PRKN: variants seen among roughly 807,000 people sequenced by gnomAD.
PRKN encodes the protein E3 ubiquitin-protein ligase parkin.
Under a neutral mutation model 59.5 loss-of-function variants are expected in PRKN, and 56 were observed. The observed-to-expected ratio is 0.94, with a 90% confidence interval of 0.76 to 1.18. PRKN has a LOEUF of 1.18. Among genes scored for constraint, PRKN ranks in the 50% most tolerant of loss-of-function variants. PRKN has a pLI of 0.00. For missense variants in PRKN, 657 were observed against 596.4 expected, an observed-to-expected ratio of 1.10 and a Z score of -1.06; for synonymous variants, 250 against 222.1, an observed-to-expected ratio of 1.13 and a Z score of -1.12.
At chr6:161,793,787 T>C (rs1179543093) in intron 6 of PRKN, among the ~76,000 whole-genome samples, 1 of 152,172 alleles carries the variant, frequency 6.6e-6, no homozygotes, top group Non-Finnish European at 1.5e-5. Context: ...TTTTCCTGTT[T>C]ATAAAGGTTT....
chr6:161,486,724 C>T (rs1364556347), intron 9 of PRKN, among the ~76,000 whole-genome samples: 1 of 152,226 alleles, frequency 6.6e-6, no homozygotes, highest in Non-Finnish European at 1.5e-5. Context: ...ATTGCCCTTT[C>T]ATAAATGCTG....
rs545467145 is a variant in PRKN at position 162,706,205 on chromosome 6, T to C, written c.7+21457A>G. On this transcript the variant is annotated intron_variant, in intron 1 of 11. Transcript: ENST00000366898. ...AAAGAAGGACATAAAATTCAAGCAA[T>C]GAATTAAAGAGGCAAATGAAGGAAC... Among the ~76,000 whole-genome samples, 370 of 149,552 alleles carry C rather than the reference T, an allele frequency of 2.5e-3. 4 individuals carry two copies. The highest frequency in any genetic ancestry group is 0.011 in the Middle Eastern group (3 of 282).
At chr6:162,161,315 G>A (rs932393673) in intron 4 of PRKN, among the ~76,000 whole-genome samples, 1 of 151,988 alleles carries the variant, frequency 6.6e-6, no homozygotes, top group Non-Finnish European at 1.5e-5. Context: ...GTACCCCCTA[G>A]GAAGGCCATG....
intron 1 of PRKN, among the ~76,000 whole-genome samples, chr6:162,514,024 C>T (rs760998981): frequency 6.0e-5 from 9 of 150,678 alleles, no homozygotes; most frequent in Non-Finnish European, 1.3e-4. Context: ...CTAGCTTGGG[C>T]GACACAGCGA....
rs182945525 is a variant in PRKN, at chr6:161,724,858, T to C, written c.871+60914A>G. Among the ~76,000 whole-genome samples, 153 of 152,310 alleles carry C rather than the reference T, an allele frequency of 1.0e-3. 1 individual carries two copies. The Middle Eastern group carries it at 0.017, about 17-fold the overall frequency. On this transcript the variant is annotated intron_variant, in intron 7 of 11. Transcript: ENST00000366898. ...CATGTTGAATTGTAATCCCCAATGC[T>C]GGAGATGGGGCCTGGTAGGAGGTGT...
chr6:161,750,148 T>TAC (rs1788626683), intron 7 of PRKN, among the ~76,000 whole-genome samples: 5 of 140,196 alleles, frequency 3.6e-5, no homozygotes, highest in Admixed American at 2.1e-4. Context: ...CACACATATA[T>TAC]AAATTAGTAC....
intron 4 of PRKN, among the ~76,000 whole-genome samples, chr6:162,115,110 G>T (rs1229604935): frequency 6.6e-6 from 1 of 152,048 alleles, no homozygotes; most frequent in Non-Finnish European, 1.5e-5. Flanking sequence ...GTCCAACAAT[G>T]ATAGACTGGA....
At chr6:161,967,285 A>G (rs1780618412) in intron 6 of PRKN, among the ~76,000 whole-genome samples, 1 of 151,554 alleles carries the variant, frequency 6.6e-6, no homozygotes, top group South Asian at 2.1e-4. Context: ...TGGTAGGCGC[A>G]TCATTGCAGA....
Position 161,350,039 on chromosome 6 carries a change from G to A in PRKN, c.*60C>T. 1 of 1,036,644 alleles carries A rather than the reference G, an allele frequency of 9.6e-7. No homozygotes were observed. The highest frequency in any genetic ancestry group is 2.1e-4 in the Middle Eastern group (1 of 4,820). 64.2% of individuals were successfully genotyped at this position (1,036,644 alleles called of 1,614,324 possible). On this transcript the variant is annotated 3_prime_UTR_variant, in exon 12 of 12. Coordinates refer to ENST00000366898, the MANE Select transcript of PRKN (RefSeq NM_004562.3). ...GTGTTTGAAAAGAGAATTAGAAAAT[G>A]AAGGTAGACACTGGGTATGCTCCCC...
intron 8 of PRKN, among the ~76,000 whole-genome samples, chr6:161,555,294 G>A (rs2115444791): frequency 6.6e-6 from 1 of 152,112 alleles, no homozygotes; most frequent in Non-Finnish European, 1.5e-5. Flanking sequence ...CCTTTGATTT[G>A]AGGCATTCTT....
At position 161,852,953 on chromosome 6, in the gene PRKN, G is replaced by C. The variant is rs184990018; in HGVS notation, c.735-67045C>G. On this transcript the variant is annotated intron_variant, in intron 6 of 11. Transcript: ENST00000366898. ...ATGAGCTACAAAGTGCCTCAGGAAA[G>C]AGACAGCTGGGACCAGATGACACAC... is the stretch of plus-strand genomic sequence containing the variant. 3.3e-3 allele frequency among the ~76,000 whole-genome samples: 509 copies of C among 152,308 alleles called. 2 individuals are homozygous for C. Among genetic ancestry groups the C allele is most frequent in the African/African-American group, 0.011 (476 of 41,564 alleles).
chr6:162,309,642 T>C (rs1019395468), intron 2 of PRKN, among the ~76,000 whole-genome samples: 1 of 143,044 alleles, frequency 7.0e-6, no homozygotes, highest in African/African-American at 3.0e-5. Context: ...GTAAGCTGTA[T>C]GGAAAAAGTT....
At chr6:161,623,014 GCTGT>G (rs1415906956) in intron 7 of PRKN, among the ~76,000 whole-genome samples, 18 of 152,244 alleles carry the variant, frequency 1.2e-4, no homozygotes, top group South Asian at 4.1e-4. Context: ...TTTTTCTTAG[GCTGT>G]CTATTTCATG....
rs1269147499 is a variant in PRKN at position 161,750,118 on chromosome 6, T to TATATATATATATATATATACAC, written c.871+35653_871+35654insGTGTATATATATATATATATAT. ...TAGGACATATATATATATATATATA[T>TATATATATATATATATATACAC]ACACACACACACACACACACACACA... On this transcript the variant is annotated intron_variant, in intron 7 of 11. Transcript: ENST00000366898. 1.4e-3 allele frequency among the ~76,000 whole-genome samples: 194 copies of TATATATATATATATATATACAC among 137,742 alleles called. 1 individual carries two copies. The highest frequency in any genetic ancestry group is 5.1e-3 in the African/African-American group (189 of 37,244). 90.4% of individuals were successfully genotyped at this position (137,742 alleles called of 152,430 possible). A position where few individuals can be genotyped will look rare whatever the true frequency, so the allele number is the denominator to read the frequency against.
intron 1 of PRKN, among the ~76,000 whole-genome samples, chr6:162,593,513 C>G (rs73008458): frequency 6.6e-6 from 1 of 152,162 alleles, no homozygotes; most frequent in South Asian, 2.1e-4. Flanking sequence ...TTACACAGTA[C>G]GGTTTATCAC....
intron 4 of PRKN, among the ~76,000 whole-genome samples, chr6:162,143,461 G>A (rs1230948130): frequency 6.6e-6 from 1 of 152,120 alleles, no homozygotes; most frequent in Non-Finnish European, 1.5e-5. Flanking sequence ...GTTCTCAGTG[G>A]TGATACATGG....
chr6:162,400,160 T>C lies in PRKN; in HGVS notation c.171+43150A>G, dbSNP rs577971107. The stretch of plus-strand genomic sequence containing the variant: ...AGGTGGAAGTTGCAGTGACCTGAGA[T>C]TGTGCCACTGCACTCCAGCCTGGGT... On this transcript the variant is annotated intron_variant, in intron 2 of 11. Coordinates refer to ENST00000366898, the MANE Select transcript of PRKN (RefSeq NM_004562.3). Among the ~76,000 whole-genome samples, 15 of 152,036 alleles carry C rather than the reference T, an allele frequency of 9.9e-5. No individual in the cohort carries two copies. The South Asian group carries it at 2.9e-3, about 29-fold the overall frequency.
chr6:162,342,282 A>G (rs1210274093), intron 2 of PRKN, among the ~76,000 whole-genome samples: 1 of 152,180 alleles, frequency 6.6e-6, no homozygotes, highest in East Asian at 1.9e-4. Flanking sequence ...CTTTCACTCT[A>G]CATGATTGCA....
intron 7 of PRKN, among the ~76,000 whole-genome samples, chr6:161,761,393 T>C (rs1789196756): frequency 7.1e-6 from 1 of 141,684 alleles, no homozygotes; most frequent in Admixed American, 7.1e-5. Context: ...TGTATGCCTT[T>C]GTGCCACATG....
Sources: gnomAD v4.1 joint callset for allele counts (sites outside exome capture counted in the v4.1 genomes callset) on GRCh38, gnomAD v4.1.1 for gene constraint, MANE v1.5 for transcripts, NCBI Gene and HGNC (gene_info 2026-07-23, HGNC 2026-07-21) for gene names.